Variants in ARHGAP29 observed in about 807,000 individuals in gnomAD.
ARHGAP29 encodes Rho GTPase activating protein 29, also known as rho GTPase-activating protein 29.
In ARHGAP29, 43 loss-of-function variants were observed where a neutral mutation model predicts 122.6. The ratio of observed to expected loss-of-function variants is 0.35; its 90% CI spans 0.27 to 0.45. The LOEUF is 0.45. Among genes scored for constraint, ARHGAP29 ranks in the 20% least tolerant of loss-of-function variants. ARHGAP29 has a pLI of 1.00. For missense variants in ARHGAP29, 1,303 were observed against 1,477.2 expected, an observed-to-expected ratio of 0.88 and a Z score of 1.93; for synonymous variants, 506 against 497.1, an observed-to-expected ratio of 1.02 and a Z score of -0.24.
intron 1 of ARHGAP29, among the ~76,000 whole-genome samples, chr1:94,256,665 T>C (rs1654365606): frequency 7.0e-6 from 1 of 143,784 alleles, no homozygotes; most frequent in Non-Finnish European, 1.5e-5. Context: ...TTCACGCCAT[T>C]CTCCTGCCTC....
intron 8 of ARHGAP29, among the ~76,000 whole-genome samples, chr1:94,203,725 AC>A (rs1304442886): frequency 6.6e-6 from 1 of 151,824 alleles, no homozygotes; most frequent in Non-Finnish European, 1.5e-5. Context: ...ACAGAGTGAG[AC>A]CCTGTCTTAA....
the ARHGAP29 span, among the ~76,000 whole-genome samples, chr1:94,303,936 C>G: frequency 1.8e-4 from 28 of 152,334 alleles, no homozygotes; most frequent in African/African-American, 6.7e-4. Flanking sequence ...TGTTAAGCTT[C>G]TGCCTAACAA....
intron 1 of ARHGAP29, among the ~76,000 whole-genome samples, chr1:94,251,018 G>A (rs922330061): frequency 2.0e-5 from 3 of 152,084 alleles, no homozygotes; most frequent in Non-Finnish European, 4.4e-5. Flanking sequence ...AGATTATGGT[G>A]GTAGTAATAA....
rs1446067427 is a variant in ARHGAP29, at chr1:94,189,091, A to C, written c.1576+125T>G. 31 of 1,372,678 alleles carry C rather than the reference A, an allele frequency of 2.3e-5. 1 individual carries two copies. Among genetic ancestry groups the C allele is most frequent in the Non-Finnish European group, 4.0e-6 (4 of 1,006,656 alleles). The allele number at this position is 1,372,678 out of a possible 1,614,324, so 85.0% of individuals were successfully genotyped here. On this transcript the variant is annotated intron_variant, in intron 14 of 22. Transcript: ENST00000260526. Reference sequence around the variant, plus strand: ...AGGCACCATGGTAACAACTGTGAATAAGATCTCATAAACTTACAAACTAAG... The same window carrying C: ...AGGCACCATGGTAACAACTGTGAATCAGATCTCATAAACTTACAAACTAAG...
chr1:94,199,619 G>T (rs1650709115), intron 12 of ARHGAP29, among the ~76,000 whole-genome samples: 1 of 152,086 alleles, frequency 6.6e-6, no homozygotes, highest in Non-Finnish European at 1.5e-5. Context: ...TATTTTCTCT[G>T]TCCTAAATCA....
chr1:94,251,360 G>A (rs933724401), intron 1 of ARHGAP29, among the ~76,000 whole-genome samples: 14 of 141,180 alleles, frequency 9.9e-5, no homozygotes, highest in Non-Finnish European at 1.4e-4. Flanking sequence ...TAATAGAGGC[G>A]GGGTTTCACC....
the ARHGAP29 span, among the ~76,000 whole-genome samples, chr1:94,306,670 T>A: frequency 6.6e-6 from 1 of 152,160 alleles, no homozygotes; most frequent in Non-Finnish European, 1.5e-5. Context: ...CCTCTGAATT[T>A]TCCCACACTC....
At chr1:94,283,634 C>T in the ARHGAP29 span, among the ~76,000 whole-genome samples, 121 of 152,250 alleles carry the variant, frequency 7.9e-4, no homozygotes, top group African/African-American at 2.7e-3. Flanking sequence ...TATTATTGCA[C>T]TCAGTTTTTA....
the ARHGAP29 span, among the ~76,000 whole-genome samples, chr1:94,290,510 A>G: frequency 6.6e-6 from 1 of 151,856 alleles, no homozygotes; most frequent in Admixed American, 6.6e-5. Flanking sequence ...TTTAATTGTG[A>G]TGTTAGGGCA....
upstream of ARHGAP29, among the ~76,000 whole-genome samples, chr1:94,241,724 TAA>T (rs1557884281): frequency 0.043 from 441 of 10,362 alleles, 2 homozygotes; most frequent in African/African-American, 0.1. Context: ...AATTTATATA[TAA>T]TATATATTTA....
intron 1 of ARHGAP29, among the ~76,000 whole-genome samples, chr1:94,236,451 G>A (rs773046777): frequency 6.6e-6 from 1 of 152,108 alleles, no homozygotes; most frequent in Non-Finnish European, 1.5e-5. Flanking sequence ...CGGTGGTAAC[G>A]ACGGACAAAA....
At chr1:94,220,445 A>G (rs1206847646) in intron 2 of ARHGAP29, 53 bp from the exon 3 acceptor site, 1 of 1,448,940 alleles carries the variant, frequency 6.9e-7, no homozygotes, top group South Asian at 1.3e-5. Flanking sequence ...CCACAAATCT[A>G]AACTACAAAA....
intron 1 of ARHGAP29, among the ~76,000 whole-genome samples, chr1:94,260,558 G>A (rs1002235571): frequency 6.6e-6 from 1 of 152,182 alleles, no homozygotes; most frequent in South Asian, 2.1e-4. Flanking sequence ...CTTAATGAAG[G>A]AAAGAATAAT....
chr1:94,206,671 C>A (rs1004115441), intron 5 of ARHGAP29, among the ~76,000 whole-genome samples: 1 of 151,914 alleles, frequency 6.6e-6, no homozygotes, highest in South Asian at 2.1e-4. Flanking sequence ...CTGAGGCGGA[C>A]GGATCACCTG....
chr1:94,214,349 T>C (rs1445236447), intron 3 of ARHGAP29, among the ~76,000 whole-genome samples: 1 of 152,192 alleles, frequency 6.6e-6, no homozygotes, highest in African/African-American at 2.4e-5. Flanking sequence ...GCTTTCTTTA[T>C]ATACACTATC....
chr1:94,228,381 C>T (rs1652737509), intron 2 of ARHGAP29, among the ~76,000 whole-genome samples: 1 of 151,782 alleles, frequency 6.6e-6, no homozygotes, highest in Non-Finnish European at 1.5e-5. Context: ...TTTTGAATCA[C>T]AGATTCGTAA....
In ARHGAP29 at chr1:94,209,333, C is replaced by T; in HGVS notation, c.358G>A (p.Val120Ile). Reference protein sequence around the residue: ...AKVKAVNFTEVNEENKNDLFQ... With the variant: ...AKVKAVNFTEINEENKNDLFQ... ...AGATCGTTTTTGTTTTCTTCATTAA[C>T]TTCTGTGAAGTTCACAGCTGTAAGG... The change falls in exon 4 of 23, where the codon GTT (valine) becomes ATT (isoleucine). Residue 120 changes from valine (V) to isoleucine (I), a missense_variant. Val to Ile is a conservative substitution (Grantham distance 29). This residue lies in a region of ARHGAP29 where 592 missense variants were observed against 648.2 expected (regional missense o/e 0.91). Coordinates refer to ENST00000260526, the MANE Select transcript of ARHGAP29 (RefSeq NM_004815.4). 3 of 1,607,128 alleles carry T rather than the reference C, an allele frequency of 1.9e-6. No homozygotes were observed. The highest frequency in any genetic ancestry group is 1.7e-4 in the Middle Eastern group (1 of 5,774).
intron 1 of ARHGAP29, among the ~76,000 whole-genome samples, chr1:94,268,018 CTT>C (rs1485505044): frequency 6.6e-6 from 1 of 152,052 alleles, no homozygotes; most frequent in Non-Finnish European, 1.5e-5. Context: ...CTGTAGCTCT[CTT>C]CATTATTTTC....
At position 94,211,471 on chromosome 1, in the gene ARHGAP29, T is replaced by C. The variant is rs1424866387; in HGVS notation, c.341-2121A>G. On this transcript the variant is annotated intron_variant, in intron 3 of 22. Transcript: ENST00000260526. ...CGCGTAGATGGAAAATAAGTAAGCA[T>C]AGGGAAGATGAGAACAACACTATCT... Among the ~76,000 whole-genome samples the C allele has an allele frequency of 2.0e-5, 3 of 152,028 alleles. No individual in the cohort carries two copies. In the East Asian group the frequency reaches 5.8e-4, roughly 29 times the overall value.
Sources: gnomAD v4.1 joint callset for allele counts (sites outside exome capture counted in the v4.1 genomes callset) on GRCh38, gnomAD v4.1.1 for gene constraint, gnomAD v4.1.1 regional missense constraint, MANE v1.5 for transcripts, NCBI Gene and HGNC (gene_info 2026-07-23, HGNC 2026-07-21) for gene names.